STK24: variants seen among roughly 807,000 people sequenced by gnomAD.
STK24 encodes serine/threonine-protein kinase 24.
In STK24, 21 loss-of-function variants were observed where a neutral mutation model predicts 55.6. The observed-to-expected ratio is 0.38, with a 90% CI of 0.27 to 0.54. The LOEUF (loss-of-function observed/expected upper bound fraction) is 0.54. Ranked by LOEUF, STK24 falls within the 20% of genes least tolerant of loss-of-function variation. The pLI is 0.79. For missense variants in STK24, 383 were observed against 538.4 expected, an observed-to-expected ratio of 0.71 and a Z score of 2.86; for synonymous variants, 200 against 215.2, an observed-to-expected ratio of 0.93 and a Z score of 0.62.
intron 1 of STK24, among the ~76,000 whole-genome samples, chr13:98,551,142 C>A (rs1398462367): frequency 6.6e-6 from 1 of 151,844 alleles, no homozygotes; most frequent in Admixed American, 6.6e-5. Context: ...AAAAATTAGC[C>A]GGGCATGGTG....
chr13:98,561,179 A>G (rs1171587376), intron 1 of STK24, among the ~76,000 whole-genome samples: 2 of 152,242 alleles, frequency 1.3e-5, no homozygotes, highest in African/African-American at 2.4e-5. Flanking sequence ...TTAGCAACCT[A>G]GGCAAAGCAA....
At chr13:98,527,915 C>T (rs1594642314) in intron 1 of STK24, among the ~76,000 whole-genome samples, 1 of 152,194 alleles carries the variant, frequency 6.6e-6, no homozygotes, top group Non-Finnish European at 1.5e-5. Flanking sequence ...TTCATGCTGG[C>T]GTCTTGCAGC....
intron 2 of STK24, among the ~76,000 whole-genome samples, chr13:98,510,149 A>C (rs1290387787): frequency 1.3e-5 from 2 of 152,240 alleles, no homozygotes; most frequent in Non-Finnish European, 2.9e-5. Flanking sequence ...GGAGCAAACA[A>C]GGTTGGACTC....
chr13:98,478,442 G>A (rs1170815603), intron 3 of STK24, among the ~76,000 whole-genome samples: 1 of 152,228 alleles, frequency 6.6e-6, no homozygotes, highest in Non-Finnish European at 1.5e-5. Context: ...CCATGCCCCT[G>A]CTTGGTCTTG....
chr13:98,567,900 A>T (rs779379460), intron 1 of STK24, among the ~76,000 whole-genome samples: 5 of 146,554 alleles, frequency 3.4e-5, no homozygotes, highest in African/African-American at 5.0e-5. Flanking sequence ...AACTGCAATG[A>T]AATCTCAGAA....
chr13:98,475,548 G>C (rs774219456), intron 3 of STK24, among the ~76,000 whole-genome samples, 190 bp from the exon 4 acceptor site: 4 of 152,178 alleles, frequency 2.6e-5, no homozygotes, highest in South Asian at 2.1e-4. Flanking sequence ...CAAAGGGCCC[G>C]AGAAAATGGC....
In STK24 at chr13:98,450,637, T is replaced by A. The variant is rs974618584; in HGVS notation, c.*2536A>T. 1 of 152,176 alleles carries A rather than the reference T, an allele frequency of 6.6e-6. No homozygotes were observed. Among genetic ancestry groups the A allele is most frequent in the African/African-American group, 2.4e-5 (1 of 41,438 alleles). The allele number at this position is 152,176 out of a possible 1,614,324, so 9.4% of individuals were successfully genotyped here. A position where few individuals can be genotyped will look rare whatever the true frequency, so the allele number is the denominator to read the frequency against. ...CTGAGTACCTCCCCAGGCTGCAGGC[T>A]CTGGGCAGCTGAGCCAGGAGCAGCT... On this transcript the variant is annotated 3_prime_UTR_variant, in exon 11 of 11. Coordinates refer to ENST00000539966, the MANE Select transcript of STK24 (RefSeq NM_001032296.4).
chr13:98,542,353 C>A (rs1273766128), intron 1 of STK24, among the ~76,000 whole-genome samples: 1 of 150,982 alleles, frequency 6.6e-6, no homozygotes, highest in Non-Finnish European at 1.5e-5. Flanking sequence ...AAAGGACTGA[C>A]AAAAACAATA....
chr13:98,514,061 A>G (rs1034071614), intron 2 of STK24, among the ~76,000 whole-genome samples: 6 of 152,250 alleles, frequency 3.9e-5, no homozygotes, highest in Non-Finnish European at 7.3e-5. Context: ...CTTCTCTGCA[A>G]TGTGAAGTTA....
chr13:98,525,326 C>T (rs572523876), intron 1 of STK24, among the ~76,000 whole-genome samples: 3 of 152,338 alleles, frequency 2.0e-5, no homozygotes, highest in East Asian at 1.9e-4. Flanking sequence ...CTCAACCCCA[C>T]AGCCCGTGCC....
chr13:98,527,779 G>C (rs980706857), intron 1 of STK24, among the ~76,000 whole-genome samples: 1 of 152,216 alleles, frequency 6.6e-6, no homozygotes, highest in South Asian at 2.1e-4. Context: ...CACAGACGCA[G>C]AGCCAGCGGC....
At chr13:98,542,614 C>A (rs1488467438) in intron 1 of STK24, among the ~76,000 whole-genome samples, 1 of 152,170 alleles carries the variant, frequency 6.6e-6, no homozygotes, top group African/African-American at 2.4e-5. Flanking sequence ...GTAGTTCATG[C>A]ACTTCAGATA....
At chr13:98,509,762 C>T (rs1895816882) in intron 2 of STK24, among the ~76,000 whole-genome samples, 1 of 152,134 alleles carries the variant, frequency 6.6e-6, no homozygotes, top group South Asian at 2.1e-4. Flanking sequence ...AAACAGAACA[C>T]TCAGGCCTGC....
chr13:98,458,296 C>T (rs931260651), intron 9 of STK24, among the ~76,000 whole-genome samples: 1 of 152,192 alleles, frequency 6.6e-6, no homozygotes, highest in African/African-American at 2.4e-5. Flanking sequence ...TGGCTCAGAA[C>T]TCAACAGAAG....
At chr13:98,516,623 A>T (rs1896069809) in intron 2 of STK24, among the ~76,000 whole-genome samples, 2 of 152,194 alleles carry the variant, frequency 1.3e-5, no homozygotes, top group African/African-American at 4.8e-5. Flanking sequence ...TGGGCACATA[A>T]AAACTTCCCA....
intron 2 of STK24, among the ~76,000 whole-genome samples, chr13:98,502,906 A>G (rs1400122761): frequency 2.0e-5 from 3 of 152,156 alleles, no homozygotes; most frequent in Non-Finnish European, 4.4e-5. Context: ...TTCCATTTAC[A>G]ATTTTAAAAA....
intron 1 of STK24, among the ~76,000 whole-genome samples, chr13:98,571,270 G>GA (rs2139467923): frequency 6.6e-6 from 1 of 152,258 alleles, no homozygotes; most frequent in East Asian, 1.9e-4. Flanking sequence ...AACTGAAAAT[G>GA]AAACTCAACC....
At chr13:98,460,260 G>A (rs1237045381) in intron 9 of STK24, 112 bp downstream of exon 9, 6 of 1,036,716 alleles carry the variant, frequency 5.8e-6, no homozygotes, top group Non-Finnish European at 4.4e-6. Flanking sequence ...CCGAGCCTTT[G>A]CCAGCTTGTC....
Position 98,461,873 on chromosome 13 carries a change from C to T in STK24, c.954G>A (p.Gly318=), listed in dbSNP as rs961384713. Residue 318 remains glycine (G), a synonymous_variant, in exon 8 of 11, where the codon GGG becomes GGA. Coordinates refer to ENST00000539966, the MANE Select transcript of STK24 (RefSeq NM_001032296.4). ...SDAETDGQAS[G]GSDSGDWIFT... Reference sequence around the variant, plus strand: ...AGATCCAGTCCCCAGAATCACTGCCCCCCGAGGCTTGGCCATCTGTTTCCC... The same window carrying T: ...AGATCCAGTCCCCAGAATCACTGCCTCCCGAGGCTTGGCCATCTGTTTCCC... 5 of 1,614,072 alleles carry T rather than the reference C, an allele frequency of 3.1e-6. No individual in the cohort carries two copies. The highest frequency in any genetic ancestry group is 4.2e-6 in the Non-Finnish European group (5 of 1,179,956).
Sources: gnomAD v4.1 joint callset for allele counts (sites outside exome capture counted in the v4.1 genomes callset) on GRCh38, gnomAD v4.1.1 for gene constraint, MANE v1.5 for transcripts, NCBI Gene and HGNC (gene_info 2026-07-23, HGNC 2026-07-21) for gene names.